MAP4: variants seen among roughly 807,000 people sequenced by gnomAD.
MAP4 encodes microtubule associated protein 4.
Under a neutral mutation model 170.2 loss-of-function variants are expected in MAP4, and 76 were observed. The ratio of observed to expected loss-of-function variants is 0.45; its 90% confidence interval spans 0.37 to 0.54. The LOEUF is 0.54. Among genes scored for constraint, MAP4 ranks in the 20% least tolerant of loss-of-function variants. The pLI is 0.00. For synonymous variants in MAP4, 909 were observed against 994.5 expected, an observed-to-expected ratio of 0.91 and a Z score of 1.62; for missense variants, 2,506 against 2,748.0, an observed-to-expected ratio of 0.91 and a Z score of 1.97.
chr3:47,881,905 T>G (rs1390183918), intron 10 of MAP4, among the ~76,000 whole-genome samples: 1 of 152,146 alleles, frequency 6.6e-6, no homozygotes, highest in Admixed American at 6.5e-5. Context: ...CTGGCCTACT[T>G]GAGTCATTTT....
chr3:48,072,362 G>C (rs1431037058), intron 1 of MAP4, among the ~76,000 whole-genome samples: 5 of 151,956 alleles, frequency 3.3e-5, no homozygotes, highest in South Asian at 4.1e-4. Context: ...TTACCTGGGT[G>C]TGGCAGCGTG....
At chr3:47,986,677 G>A (rs1167834873) in intron 2 of MAP4, among the ~76,000 whole-genome samples, 1 of 151,998 alleles carries the variant, frequency 6.6e-6, no homozygotes, top group Non-Finnish European at 1.5e-5. Context: ...CTATTATTAT[G>A]AACTATACAT....
chr3:47,870,077 G>A (rs529582000), intron 15 of MAP4, among the ~76,000 whole-genome samples: 68 of 152,170 alleles, frequency 4.5e-4, no homozygotes, highest in Non-Finnish European at 7.6e-4. Flanking sequence ...GGTGGTGGTG[G>A]TGTAGAGCTA....
intron 1 of MAP4, among the ~76,000 whole-genome samples, chr3:48,027,688 T>TA (rs1396122368): frequency 6.6e-6 from 1 of 151,108 alleles, no homozygotes; most frequent in African/African-American, 2.4e-5. Flanking sequence ...CTACAAAAAA[T>TA]AAAAAAAATT....
Position 47,943,514 on chromosome 3 carries a change from CAGA to C in MAP4, c.293-15167_293-15165del, listed in dbSNP as rs141686854. Among the ~76,000 whole-genome samples, 6 of 152,164 alleles carry C rather than the reference CAGA, an allele frequency of 3.9e-5. 1 individual carries two copies. The East Asian group carries it at 1.2e-3, about 30-fold the overall frequency. On this transcript the variant is annotated intron_variant, in intron 3 of 20. Transcript: ENST00000683076. ...GTAATCACAGCCACTGAGACTGAGG[CAGA>C]AGAATTGCTTGAACTCGGGAGGCAG...
At position 47,855,967 on chromosome 3, in the gene MAP4, C is replaced by T. The variant is rs192133655; in HGVS notation, c.6584-607G>A. ...AGGACAGAGTGGCCCCGAGGCTGTG[C>T]GCTGAGGAAGGAAAGACATGGACCA... is the stretch of plus-strand genomic sequence containing the variant. On this transcript the variant is annotated intron_variant, in intron 18 of 20. Coordinates refer to ENST00000683076, the MANE Select transcript of MAP4 (RefSeq NM_001385682.1). This position sits in a 1 kb window ranked among gnomAD's most constrained non-coding sequence, Gnocchi z 5.1. 8.5e-5 allele frequency among the ~76,000 whole-genome samples: 13 copies of T among 152,230 alleles called. 1 individual carries two copies. The highest frequency in any genetic ancestry group is 1.9e-4 in the African/African-American group (8 of 41,548).
chr3:48,078,011 T>C (rs1426269793), intron 1 of MAP4, among the ~76,000 whole-genome samples: 1 of 152,152 alleles, frequency 6.6e-6, no homozygotes, highest in Non-Finnish European at 1.5e-5. Flanking sequence ...TGCCAGAGGC[T>C]GGGTGAATGA....
intron 20 of MAP4, 37 bp downstream of exon 20, chr3:47,853,126 C>A: frequency 6.2e-7 from 1 of 1,611,956 alleles, no homozygotes; most frequent in Non-Finnish European, 8.5e-7. Context: ...AGTGGCAGGG[C>A]CCCTGGCTGG....
At chr3:47,876,397 C>G (rs996461736) in intron 11 of MAP4, among the ~76,000 whole-genome samples, 3 of 152,058 alleles carry the variant, frequency 2.0e-5, no homozygotes, top group African/African-American at 7.2e-5. Flanking sequence ...TCCCAAGGTG[C>G]TGGGATTACA....
At chr3:47,954,389 C>A (rs1293672729) in intron 3 of MAP4, among the ~76,000 whole-genome samples, 1 of 152,142 alleles carries the variant, frequency 6.6e-6, no homozygotes, top group Non-Finnish European at 1.5e-5. Context: ...CTTGGCCCAC[C>A]AGGATCTTTG....
chr3:48,079,096 A>G (rs1426466047), intron 1 of MAP4, among the ~76,000 whole-genome samples: 1 of 152,114 alleles, frequency 6.6e-6, no homozygotes, highest in Non-Finnish European at 1.5e-5. Context: ...ACCTGAGCCC[A>G]GAAGTTCAAG....
chr3:47,872,860 T>C (rs1217532834), intron 12 of MAP4, among the ~76,000 whole-genome samples: 1 of 152,202 alleles, frequency 6.6e-6, no homozygotes. Context: ...AGATTAAACA[T>C]ACACAAACAA....
chr3:47,900,661 G>C (rs2100029523), intron 10 of MAP4, among the ~76,000 whole-genome samples: 1 of 152,122 alleles, frequency 6.6e-6, no homozygotes, highest in African/African-American at 2.4e-5. Flanking sequence ...GCTTGAACCT[G>C]GGAGGTGGAG....
intron 10 of MAP4, among the ~76,000 whole-genome samples, chr3:47,886,386 G>C (rs1326731697): frequency 1.3e-5 from 2 of 152,086 alleles, no homozygotes; most frequent in African/African-American, 4.8e-5. Context: ...CTGCAGCCTT[G>C]TCCTTTTGGG....
intron 3 of MAP4, among the ~76,000 whole-genome samples, chr3:47,962,130 A>G (rs992543228): frequency 6.6e-6 from 1 of 152,080 alleles, no homozygotes; most frequent in African/African-American, 2.4e-5. Context: ...GTTCTAAATA[A>G]CCTGCCTCTT....
At chr3:47,974,670 C>T in intron 3 of MAP4, 1 of 955,184 alleles carries the variant, frequency 1.0e-6, no homozygotes, top group Non-Finnish European at 1.2e-6. Context: ...CTAATCTCAA[C>T]TGGTTCTAGA....
chr3:48,063,962 G>GAA (rs777817368), intron 1 of MAP4, among the ~76,000 whole-genome samples: 1 of 152,140 alleles, frequency 6.6e-6, no homozygotes, highest in Non-Finnish European at 1.5e-5. Flanking sequence ...TTATTACAGT[G>GAA]AAAGAGATCT....
chr3:47,988,152 C>T (rs953445345), intron 2 of MAP4, among the ~76,000 whole-genome samples: 15 of 151,058 alleles, frequency 9.9e-5, no homozygotes, highest in Admixed American at 1.3e-4. Context: ...CAAGATCGCG[C>T]CACTGCACTC....
intron 1 of MAP4, among the ~76,000 whole-genome samples, chr3:48,076,945 T>C (rs1485347310): frequency 2.8e-5 from 4 of 144,504 alleles, no homozygotes; most frequent in African/African-American, 1.0e-4. Context: ...AGCCCAGGAG[T>C]TCACTGGGCA....
Sources: allele counts gnomAD v4.1 joint callset (sites outside exome capture counted in the v4.1 genomes callset), GRCh38; gene constraint gnomAD v4.1.1; non-coding constraint Gnocchi (gnomAD v3.1); transcripts MANE v1.5; gene names NCBI Gene and HGNC (gene_info 2026-07-23, HGNC 2026-07-21).